The following UTRN variants were observed in gnomAD, a reference collection of about 807,000 sequenced individuals.
UTRN encodes the protein dystrophin-related protein 1.
A neutral mutation model predicts 463.9 loss-of-function variants in UTRN; 283 were observed. The observed-to-expected ratio is 0.61, with a 90% CI of 0.55 to 0.67. UTRN has a LOEUF of 0.67. Ranked by LOEUF, UTRN falls within the 30% of genes least tolerant of loss-of-function variation. The pLI is 0.00. For synonymous variants in UTRN, 1,442 were observed against 1,431.5 expected, an observed-to-expected ratio of 1.01 and a Z score of -0.17; for missense variants, 3,922 against 4,084.3, an observed-to-expected ratio of 0.96 and a Z score of 1.08.
intron 51 of UTRN, among the ~76,000 whole-genome samples, chr6:144,650,565 A>T (rs1778705071): frequency 6.6e-6 from 1 of 152,172 alleles, no homozygotes; most frequent in Non-Finnish European, 1.5e-5. Flanking sequence ...TATTTTAGGA[A>T]TGGCTTCACT....
intron 2 of UTRN, among the ~76,000 whole-genome samples, chr6:144,354,447 G>T (rs1206017511): frequency 6.6e-6 from 1 of 152,150 alleles, no homozygotes; most frequent in Non-Finnish European, 1.5e-5. Flanking sequence ...ATCCAACCAC[G>T]TTCTAGAATC....
chr6:144,479,935 G>C lies in UTRN; in HGVS notation c.3460G>C (p.Glu1154Gln). 1.9e-6 allele frequency: 3 copies of C among 1,614,178 alleles called. No homozygotes were observed. In the South Asian group the frequency reaches 3.3e-5, roughly 18 times the overall value. The change falls in exon 26 of 75, where the codon GAG becomes CAG. Residue 1154 changes from glutamate (E) to glutamine (Q), a missense_variant. Physicochemically the swap from Glu to Gln is conservative, Grantham distance 29 (BLOSUM62 2). This residue lies in a region of UTRN where 2,349 missense variants were observed against 2,303.8 expected (regional missense o/e 1.02). Coordinates refer to ENST00000367545, the MANE Select transcript of UTRN (RefSeq NM_007124.3). ...AEEEYLERDF[E>Q]YKSPEELESA... is the part of the protein sequence containing the mutation. ...GGAAGAATATTTGGAGCGGGATTTT[G>C]AGTACAAGTCACCAGAAGAGCTTGA...
At chr6:144,378,155 C>T (rs1780616784) in intron 2 of UTRN, among the ~76,000 whole-genome samples, 1 of 152,150 alleles carries the variant, frequency 6.6e-6, no homozygotes, top group South Asian at 2.1e-4. Flanking sequence ...GTCAGTGGAT[C>T]ATCTTGATGA....
intron 39 of UTRN, among the ~76,000 whole-genome samples, chr6:144,517,374 T>C (rs1217676709): frequency 6.6e-6 from 1 of 151,690 alleles, no homozygotes; most frequent in Non-Finnish European, 1.5e-5. Flanking sequence ...TTTTCTTTTT[T>C]TTTTTTAAAG....
intron 2 of UTRN, among the ~76,000 whole-genome samples, chr6:144,361,437 A>G (rs1430289410): frequency 6.6e-6 from 1 of 152,192 alleles, no homozygotes; most frequent in Non-Finnish European, 1.5e-5. Context: ...CTTAATCCAG[A>G]GGGCTATGTT....
At chr6:144,394,981 A>AT (rs1222554913) in intron 2 of UTRN, among the ~76,000 whole-genome samples, 1 of 151,776 alleles carries the variant, frequency 6.6e-6, no homozygotes, top group Admixed American at 6.6e-5. Flanking sequence ...TGTTTTCCCC[A>AT]TTTTTTTTCC....
chr6:144,708,155 G>T, intron 53 of UTRN: 3 of 472,784 alleles, frequency 6.3e-6, no homozygotes, highest in South Asian at 2.1e-5. Flanking sequence ...CTGATCATTT[G>T]ATAAGACCAA....
intron 23 of UTRN, among the ~76,000 whole-genome samples, chr6:144,468,887 G>GGA (rs1790215835): frequency 6.6e-6 from 1 of 152,172 alleles, no homozygotes; most frequent in Non-Finnish European, 1.5e-5. Context: ...GGGGAGATAA[G>GGA]ATAGGGAGAG....
chr6:144,705,764 A>C (rs1187771382), intron 53 of UTRN, among the ~76,000 whole-genome samples: 3 of 152,200 alleles, frequency 2.0e-5, no homozygotes, highest in African/African-American at 7.2e-5. Flanking sequence ...AATTTAGGAA[A>C]AGTAAAGTGC....
intron 14 of UTRN, 44 bp downstream of exon 14, chr6:144,444,426 G>C (rs773803983): frequency 2.0e-6 from 3 of 1,471,920 alleles, no homozygotes; most frequent in Non-Finnish European, 1.9e-6. Flanking sequence ...ATGGTGAAAA[G>C]TAACCCATCT....
intron 39 of UTRN, among the ~76,000 whole-genome samples, chr6:144,520,693 T>G (rs1796008563): frequency 1.3e-5 from 2 of 152,232 alleles, no homozygotes; most frequent in African/African-American, 4.8e-5. Context: ...GTCATGAGTC[T>G]TGGATTCCTT....
At position 144,531,131 on chromosome 6, in the gene UTRN, G is replaced by A. The variant is rs948839290; in HGVS notation, c.5986G>A (p.Glu1996Lys). The stretch of plus-strand genomic sequence containing the variant: ...CCTCACACAGTGGATAACAGAGGCT[G>A]AAGAATTACTGGTTGATACCTGTGC... ...NDLTQWITEA[E>K]ELLVDTCAPG... is the part of the protein sequence containing the mutation. Residue 1996 changes from glutamate (E) to lysine (K), a missense_variant, in exon 42 of 75, where the codon GAA (glutamate) becomes AAA (lysine). By Grantham distance (56) the Glu-to-Lys change is moderately conservative (BLOSUM62 1). Coordinates refer to ENST00000367545, the MANE Select transcript of UTRN (RefSeq NM_007124.3). 1 of 1,614,030 alleles carries A rather than the reference G, an allele frequency of 6.2e-7. No homozygotes were observed. The highest frequency in any genetic ancestry group is 8.5e-7 in the Non-Finnish European group (1 of 1,179,974).
In UTRN at chr6:144,750,566, ATGAGGAAACC is replaced by A. The variant is rs1791283672; in HGVS notation, c.8209-1234_8209-1225del. ...CACTTAAAGAGTGGACAATGTAGAAATGAGGAAACCTGAGGGCAAAGCTAATGGGATGTTT... is the reference window on the plus strand; with the variant it reads ...CACTTAAAGAGTGGACAATGTAGAAATGAGGGCAAAGCTAATGGGATGTTT... On this transcript the variant is annotated intron_variant, in intron 55 of 74. Transcript: ENST00000367545. 2.6e-5 allele frequency among the ~76,000 whole-genome samples: 4 copies of A among 152,304 alleles called. No homozygotes were observed. In the South Asian group the frequency reaches 8.3e-4, roughly 32 times the overall value.
chr6:144,624,717 G>A, intron 51 of UTRN, among the ~76,000 whole-genome samples: 1 of 152,180 alleles, frequency 6.6e-6, no homozygotes, highest in East Asian at 1.9e-4. Context: ...CAGCTCTCCA[G>A]CTAGAAATGT....
chr6:144,470,888 T>G (rs374645501), intron 23 of UTRN, among the ~76,000 whole-genome samples: 1 of 151,182 alleles, frequency 6.6e-6, no homozygotes, highest in Non-Finnish European at 1.5e-5. Flanking sequence ...CAGTCAGGCG[T>G]GGCGGCGCGC....
At chr6:144,698,696 G>T (rs1204313739) in intron 52 of UTRN, among the ~76,000 whole-genome samples, 1 of 152,238 alleles carries the variant, frequency 6.6e-6, no homozygotes, top group Non-Finnish European at 1.5e-5. Flanking sequence ...GGCTGGATAA[G>T]TGGGCTTTCA....
intron 40 of UTRN, 67 bp from the exon 41 acceptor site, chr6:144,522,949 G>C (rs1796237956): frequency 2.6e-6 from 3 of 1,153,500 alleles, no homozygotes; most frequent in Non-Finnish European, 3.6e-6. Flanking sequence ...ATAAATATCT[G>C]GTCATCTGTG....
chr6:144,420,448 G>A lies in UTRN; in HGVS notation c.142-1430G>A, dbSNP rs906889659. Reference sequence around the variant, plus strand: ...GCCGAGGCTTCCTGATTTTCTATGCGGTGATCACCCCATTGCATAATAATT... The same window carrying A: ...GCCGAGGCTTCCTGATTTTCTATGCAGTGATCACCCCATTGCATAATAATT... On this transcript the variant is annotated intron_variant, in intron 3 of 74. Transcript: ENST00000367545. Among the ~76,000 whole-genome samples, 16 of 152,238 alleles carry A rather than the reference G, an allele frequency of 1.1e-4. No individual in the cohort carries two copies. The Middle Eastern group carries it at 0.014, about 129-fold the overall frequency.
At chr6:144,376,780 T>G (rs1562314395) in intron 2 of UTRN, among the ~76,000 whole-genome samples, 1 of 152,236 alleles carries the variant, frequency 6.6e-6, no homozygotes, top group Non-Finnish European at 1.5e-5. Context: ...TATAGGTGCC[T>G]GTGGTTAAAT....
Sources: allele counts gnomAD v4.1 joint callset (sites outside exome capture counted in the v4.1 genomes callset), GRCh38; gene constraint gnomAD v4.1.1; regional missense constraint gnomAD v4.1.1; transcripts MANE v1.5; gene names NCBI Gene and HGNC (gene_info 2026-07-23, HGNC 2026-07-21).